The following SLX4IP variants were observed in gnomAD, a reference collection of about 807,000 sequenced individuals.
SLX4IP encodes SLX4 interacting protein, also known as protein SLX4IP.
A neutral mutation model predicts 32.9 loss-of-function variants in SLX4IP; 34 were observed. That is an observed-to-expected ratio of 1.03 (90% CI 0.79 to 1.38). The LOEUF (loss-of-function observed/expected upper bound fraction) is 1.38. Ranked by LOEUF, SLX4IP falls within the 40% of genes most tolerant of loss-of-function variation. SLX4IP has a pLI of 0.00. For synonymous variants in SLX4IP, 172 were observed against 171.7 expected, an observed-to-expected ratio of 1.00 and a Z score of -0.01; for missense variants, 444 against 479.0, an observed-to-expected ratio of 0.93 and a Z score of 0.68.
chr20:10,607,693 C>G (rs2066920675), intron 6 of SLX4IP, among the ~76,000 whole-genome samples: 1 of 152,006 alleles, frequency 6.6e-6, no homozygotes, highest in Non-Finnish European at 1.5e-5. Context: ...AGAGATGACC[C>G]TCTGAAAATG....
intron 2 of SLX4IP, among the ~76,000 whole-genome samples, chr20:10,504,427 G>A (rs901673803): frequency 6.6e-6 from 1 of 152,160 alleles, no homozygotes; most frequent in Non-Finnish European, 1.5e-5. Flanking sequence ...AGCAGGGGAT[G>A]TAAAGAGCCC....
intron 2 of SLX4IP, among the ~76,000 whole-genome samples, chr20:10,548,271 C>A (rs2066183675): frequency 2.0e-5 from 3 of 152,066 alleles, no homozygotes; most frequent in African/African-American, 7.2e-5. Context: ...CGGAGTCTCG[C>A]TCTGTCGCCC....
intron 2 of SLX4IP, among the ~76,000 whole-genome samples, chr20:10,496,970 GT>G (rs1344385239): frequency 7.9e-5 from 12 of 152,130 alleles, no homozygotes; most frequent in African/African-American, 2.9e-4. Flanking sequence ...CTTTCACAGT[GT>G]TTTCTTAATA....
intron 3 of SLX4IP, among the ~76,000 whole-genome samples, chr20:10,557,032 AT>A (rs2066273831): frequency 1.3e-5 from 2 of 152,206 alleles, no homozygotes; most frequent in Admixed American, 1.3e-4. Context: ...TCCTTCTCTG[AT>A]CCCTGCTCAC....
At chr20:10,530,624 C>T (rs2122463401) in intron 2 of SLX4IP, among the ~76,000 whole-genome samples, 1 of 152,268 alleles carries the variant, frequency 6.6e-6, no homozygotes, top group South Asian at 2.1e-4. Context: ...GAATTTGAGC[C>T]TGCCACTGAG....
intron 4 of SLX4IP, among the ~76,000 whole-genome samples, chr20:10,574,812 ACAGGCACGTGC>A (rs1352066047): frequency 1.3e-5 from 2 of 152,056 alleles, no homozygotes; most frequent in Non-Finnish European, 2.9e-5. Context: ...AGCTGGGATT[ACAGGCACGTGC>A]CACCACGCCC....
At chr20:10,449,182 C>T (rs1420813382) in intron 1 of SLX4IP, among the ~76,000 whole-genome samples, 5 of 152,310 alleles carry the variant, frequency 3.3e-5, no homozygotes, top group Admixed American at 6.5e-5. Context: ...AGCAAATATG[C>T]AAGCTCAAGG....
chr20:10,450,876 T>C (rs4510294), intron 1 of SLX4IP, among the ~76,000 whole-genome samples: 14,318 of 151,500 alleles, frequency 0.095, 743 homozygotes, highest in East Asian at 0.14. Context: ...CTCAGCCTCC[T>C]GAGTAGCTGG....
chr20:10,483,201 C>G (rs1040421773), intron 2 of SLX4IP, among the ~76,000 whole-genome samples: 1 of 152,186 alleles, frequency 6.6e-6, no homozygotes. Flanking sequence ...CTAACTGCAA[C>G]CCCAGCCCCC....
intron 2 of SLX4IP, among the ~76,000 whole-genome samples, chr20:10,515,396 T>C (rs979330499): frequency 3.3e-5 from 5 of 152,202 alleles, no homozygotes; most frequent in Admixed American, 3.3e-4. Flanking sequence ...AGCTGAAGCA[T>C]GTTTTTGAGA....
intron 4 of SLX4IP, among the ~76,000 whole-genome samples, chr20:10,589,623 A>G (rs1215684527): frequency 6.6e-6 from 1 of 152,196 alleles, no homozygotes; most frequent in Non-Finnish European, 1.5e-5. Flanking sequence ...TTGAATACTC[A>G]ATTTATTATT....
intron 1 of SLX4IP, among the ~76,000 whole-genome samples, chr20:10,456,444 C>T (rs1184682165): frequency 4.6e-5 from 7 of 152,048 alleles, no homozygotes; most frequent in Non-Finnish European, 5.9e-5. Context: ...CAGGTTCAAG[C>T]GATTCTCCTG....
At chr20:10,617,410 C>T (rs944595680) in intron 6 of SLX4IP, among the ~76,000 whole-genome samples, 1 of 152,140 alleles carries the variant, frequency 6.6e-6, no homozygotes, top group African/African-American at 2.4e-5. Context: ...GGAGCCCCTC[C>T]TGTGCTTTAC....
intron 2 of SLX4IP, among the ~76,000 whole-genome samples, chr20:10,532,085 T>C (rs941252841): frequency 6.6e-6 from 1 of 152,194 alleles, no homozygotes; most frequent in Non-Finnish European, 1.5e-5. Flanking sequence ...ATCTGAGTCA[T>C]CAGCTATCTC....
chr20:10,537,485 A>T (rs1482655328), intron 2 of SLX4IP, among the ~76,000 whole-genome samples: 1 of 152,250 alleles, frequency 6.6e-6, no homozygotes, highest in Non-Finnish European at 1.5e-5. Flanking sequence ...TAAAATTTAG[A>T]TTCTTAAGTA....
At chr20:10,600,237 A>C (rs2066825211) in intron 5 of SLX4IP, among the ~76,000 whole-genome samples, 1 of 152,294 alleles carries the variant, frequency 6.6e-6, no homozygotes, top group Non-Finnish European at 1.5e-5. Flanking sequence ...GCCAGATATC[A>C]TATGCCCACA....
chr20:10,515,907 G>C (rs1378358258), intron 2 of SLX4IP, among the ~76,000 whole-genome samples: 3 of 152,228 alleles, frequency 2.0e-5, no homozygotes, highest in South Asian at 2.1e-4. Context: ...TTGTTGTTTT[G>C]AGACTTGGTC....
chr20:10,494,363 CTGTTA>C (rs2065649780), intron 2 of SLX4IP, among the ~76,000 whole-genome samples: 1 of 149,842 alleles, frequency 6.7e-6, no homozygotes. Context: ...ATTTATATTA[CTGTTA>C]TAATATCATT....
chr20:10,492,507 C>A (rs1171978263), intron 2 of SLX4IP, among the ~76,000 whole-genome samples: 1 of 152,068 alleles, frequency 6.6e-6, no homozygotes, highest in Non-Finnish European at 1.5e-5. Flanking sequence ...CATTTTTCTG[C>A]AGGACTGTTT....
Sources: allele counts gnomAD v4.1 joint callset (sites outside exome capture counted in the v4.1 genomes callset), GRCh38; gene constraint gnomAD v4.1.1; transcripts MANE v1.5; gene names NCBI Gene and HGNC (gene_info 2026-07-23, HGNC 2026-07-21).